MALRD1: variants seen among roughly 807,000 people sequenced by gnomAD.
MALRD1 encodes MAM and LDL-receptor class A domain-containing protein 1.
In MALRD1, 247 loss-of-function variants were observed where a neutral mutation model predicts 242.1. That is an observed-to-expected ratio of 1.02 (90% CI 0.92 to 1.13). MALRD1 has a LOEUF of 1.13. MALRD1 is among the 50% of genes most tolerant of loss of function. The probability of loss-of-function intolerance (pLI) is 0.00; values close to 1 mark genes in which losing one functional copy is unlikely to be tolerated. For missense variants in MALRD1, 2,989 were observed against 2,533.1 expected (o/e 1.18, Z -3.86); for synonymous variants, 995 against 866.6 (o/e 1.15, Z -2.60).
At chr10:19,182,646 A>T (rs749140345) in intron 14 of MALRD1, among the ~76,000 whole-genome samples, 2 of 152,006 alleles carry the variant, frequency 1.3e-5, no homozygotes, top group Non-Finnish European at 2.9e-5. Context: ...CTACGTTCTT[A>T]ACTGCAAATC....
At chr10:19,112,960 A>G (rs1388011630) in intron 5 of MALRD1, among the ~76,000 whole-genome samples, 4 of 151,770 alleles carry the variant, frequency 2.6e-5, no homozygotes, top group Non-Finnish European at 5.9e-5. Flanking sequence ...TCTTTTTTTC[A>G]CCTTTATATC....
intron 8 of MALRD1, among the ~76,000 whole-genome samples, chr10:19,129,628 C>T (rs1258659548): frequency 6.6e-6 from 1 of 151,760 alleles, no homozygotes; most frequent in Non-Finnish European, 1.5e-5. Flanking sequence ...TGATGAGTCC[C>T]ATAAGATTCC....
chr10:19,271,047 T>A (rs977178812), intron 19 of MALRD1, among the ~76,000 whole-genome samples: 1 of 152,150 alleles, frequency 6.6e-6, no homozygotes, highest in Non-Finnish European at 1.5e-5. Context: ...CTGGGAAGTA[T>A]AGAATTACTT....
chr10:19,472,188 T>C (rs1006302842), intron 29 of MALRD1, among the ~76,000 whole-genome samples: 1 of 152,098 alleles, frequency 6.6e-6, no homozygotes. Context: ...CATCAGTTAA[T>C]GTGGTGTACC....
At position 19,124,480 on chromosome 10, in the gene MALRD1, T is replaced by A. The variant is rs1187177241; in HGVS notation, c.797-44T>A. On this transcript the variant is annotated intron_variant, in intron 6 of 39. Coordinates refer to ENST00000454679, the MANE Select transcript of MALRD1 (RefSeq NM_001142308.3). ...ACACATAACTTGGTTAAGCAGCCAC[T>A]CTAGCAGACTAATAGTCCACCAAGA... The A allele has an allele frequency of 3.2e-6, 4 of 1,232,986 alleles. No homozygotes were observed. In the African/African-American group the frequency reaches 6.2e-5, roughly 19 times the overall value. The allele number at this position is 1,232,986 out of a possible 1,614,324, so 76.4% of individuals were successfully genotyped here. A position where few individuals can be genotyped will look rare whatever the true frequency, so the allele number is the denominator to read the frequency against.
intron 33 of MALRD1, among the ~76,000 whole-genome samples, chr10:19,573,910 A>G (rs910400608): frequency 5.3e-5 from 8 of 152,008 alleles, no homozygotes; most frequent in Non-Finnish European, 2.9e-5. Context: ...TTCCCCACCC[A>G]CCCTGACTAG....
rs1014284474 is a variant in MALRD1 at position 19,158,627 on chromosome 10, C to T, written c.1656+3455C>T. On this transcript the variant is annotated intron_variant, in intron 12 of 39. Coordinates refer to ENST00000454679, the MANE Select transcript of MALRD1 (RefSeq NM_001142308.3). The stretch of plus-strand genomic sequence containing the variant: ...ATTACCAAAGTAAACATTATACCTA[C>T]GATGCAACACATATATATTGCTTAT... Among the ~76,000 whole-genome samples the T allele has an allele frequency of 5.3e-5, 8 of 152,200 alleles. No homozygotes were observed. In the South Asian group the frequency reaches 8.3e-4, roughly 16 times the overall value.
chr10:19,191,519 T>C (rs1835973998), intron 14 of MALRD1, among the ~76,000 whole-genome samples: 1 of 152,174 alleles, frequency 6.6e-6, no homozygotes, highest in Admixed American at 6.5e-5. Flanking sequence ...AAAAGCAAGA[T>C]CTCAAAGAGA....
intron 24 of MALRD1, among the ~76,000 whole-genome samples, chr10:19,344,398 A>T (rs534783582): frequency 6.6e-6 from 1 of 152,064 alleles, no homozygotes; most frequent in Non-Finnish European, 1.5e-5. Flanking sequence ...CTCCAGCATC[A>T]TTGACAAGAC....
At chr10:19,725,385 A>C (rs1834976646) in intron 38 of MALRD1, among the ~76,000 whole-genome samples, 2 of 152,084 alleles carry the variant, frequency 1.3e-5, no homozygotes, top group South Asian at 4.1e-4. Context: ...TGTGTGAAGA[A>C]GGGCATATTT....
intron 26 of MALRD1, among the ~76,000 whole-genome samples, chr10:19,353,033 A>G (rs1577303): frequency 0.78 from 118,326 of 151,840 alleles, 46,674 homozygotes; most frequent in African/African-American, 0.9. Flanking sequence ...TTGAGACAGG[A>G]TGTAGCTCAG....
intron 14 of MALRD1, among the ~76,000 whole-genome samples, chr10:19,189,794 G>C (rs1038401815): frequency 6.6e-6 from 1 of 151,810 alleles, no homozygotes; most frequent in African/African-American, 2.4e-5. Context: ...CAACAAACCA[G>C]GAATAAAAGG....
rs770935703 is a variant in MALRD1, at chr10:19,566,381, T to G, written c.5479-1121T>G. Reference sequence around the variant, plus strand: ...GTCTCAATCTCCTGACCTCGTGATCTGCCCGCCTTGGCCTCCCAAAGTGCT... The same window carrying G: ...GTCTCAATCTCCTGACCTCGTGATCGGCCCGCCTTGGCCTCCCAAAGTGCT... On this transcript the variant is annotated intron_variant, in intron 32 of 39. Coordinates refer to ENST00000454679, the MANE Select transcript of MALRD1 (RefSeq NM_001142308.3). Among the ~76,000 whole-genome samples, 347 of 149,596 alleles carry G rather than the reference T, an allele frequency of 2.3e-3. 2 individuals carry two copies. Among genetic ancestry groups the G allele is most frequent in the Non-Finnish European group, 1.2e-3 (83 of 67,500 alleles).
At chr10:19,539,853 T>C (rs1265413706) in intron 32 of MALRD1, among the ~76,000 whole-genome samples, 3 of 54,026 alleles carry the variant, frequency 5.6e-5, no homozygotes, top group African/African-American at 3.4e-4. Flanking sequence ...CACCCAGCTT[T>C]GTGCGTGTGT....
chr10:19,539,916 A>ACGCGCGCGCG (rs1359690128), intron 32 of MALRD1, among the ~76,000 whole-genome samples: 1 of 46,756 alleles, frequency 2.1e-5, no homozygotes, highest in South Asian at 8.7e-4. Flanking sequence ...GCGTGCGCGC[A>ACGCGCGCGCG]CACACGCGCA....
chr10:19,719,209 T>TAC (rs1834592872), intron 38 of MALRD1, among the ~76,000 whole-genome samples: 1 of 37,088 alleles, frequency 2.7e-5, no homozygotes, highest in Non-Finnish European at 4.3e-5. Flanking sequence ...TATATATATA[T>TAC]ATACACATAC....
intron 38 of MALRD1, among the ~76,000 whole-genome samples, chr10:19,704,566 G>A (rs183396656): frequency 2.6e-5 from 4 of 152,266 alleles, no homozygotes; most frequent in Admixed American, 2.6e-4. Flanking sequence ...CAAATGTTCA[G>A]TTCATCACAG....
At chr10:19,051,163 C>T (rs1259185331) in intron 1 of MALRD1, among the ~76,000 whole-genome samples, 2 of 152,062 alleles carry the variant, frequency 1.3e-5, no homozygotes, top group Admixed American at 6.6e-5. Context: ...TTGTATATCA[C>T]ACTGGAAGAA....
intron 36 of MALRD1, among the ~76,000 whole-genome samples, chr10:19,638,103 A>T (rs1840226088): frequency 8.5e-6 from 1 of 117,012 alleles, no homozygotes; most frequent in African/African-American, 5.4e-5. Flanking sequence ...CTCACTCTCA[A>T]AAAAAAAAAA....
Sources: gnomAD v4.1 joint callset for allele counts (sites outside exome capture counted in the v4.1 genomes callset) on GRCh38, gnomAD v4.1.1 for gene constraint, MANE v1.5 for transcripts, NCBI Gene and HGNC (gene_info 2026-07-23, HGNC 2026-07-21) for gene names.